Variants in ATXN1L observed in about 807,000 individuals in gnomAD.
ATXN1L encodes the protein ataxin-1-like.
A neutral mutation model predicts 43.4 loss-of-function variants in ATXN1L; 8 were observed. The ratio of observed to expected loss-of-function variants is 0.18; its 90% CI spans 0.11 to 0.33. ATXN1L has a LOEUF of 0.33. ATXN1L is among the 10% of genes least tolerant of loss of function. The pLI, the probability that ATXN1L is intolerant of heterozygous loss-of-function variation, is 1.00. For synonymous variants in ATXN1L, 379 were observed against 360.6 expected (o/e 1.05, Z -0.58); for missense variants, 856 against 885.4 (o/e 0.97, Z 0.42).
chr16:71,850,149 C>G lies in ATXN1L; in HGVS notation c.409C>G (p.Leu137Val). 1 of 1,551,768 alleles carries G rather than the reference C, an allele frequency of 6.4e-7. No individual in the cohort carries two copies. The part of the protein sequence containing the change: ...LHYAQLPSTS[L>V]QFIGSPYSLP... ...CTATGCTCAGCTCCCATCCACCTCGCTGCAGTTCATTGGGTCTCCTTATAG... is the reference window on the plus strand; with the variant it reads ...CTATGCTCAGCTCCCATCCACCTCGGTGCAGTTCATTGGGTCTCCTTATAG... Residue 137 changes from leucine (L) to valine (V), a missense_variant, in exon 3 of 3, where the codon CTG (leucine) becomes GTG (valine). Physicochemically the swap from Leu to Val is conservative, Grantham distance 32 (BLOSUM62 1). Coordinates refer to ENST00000427980, the MANE Select transcript of ATXN1L (RefSeq NM_001137675.4).
At position 71,850,226 on chromosome 16, in the gene ATXN1L, T is replaced by G; in HGVS notation, c.486T>G (p.Pro162=). The part of the protein sequence containing the change: ...PNFLPSPLLS[P]SANLATSHLP... ...TCCTACCGAGTCCCCTCCTATCTCC[T>G]TCTGCCAACCTTGCCACCTCTCACC... Residue 162 remains proline (P), a synonymous_variant, in exon 3 of 3, where the codon CCT becomes CCG. Coordinates refer to ENST00000427980, the MANE Select transcript of ATXN1L (RefSeq NM_001137675.4). 6.4e-7 allele frequency: 1 copy of G among 1,551,504 alleles called. No individual in the cohort carries two copies. The highest frequency in any genetic ancestry group is 1.2e-5 in the South Asian group (1 of 83,862).
rs2033552387 is a variant in ATXN1L at position 71,856,452 on chromosome 16, T to G, written c.*4642T>G. ...GGACTGAGGTTCTTCAGAGAAAGAG[T>G]GTGAGCTGATGACACAGTGGTTTTA... On this transcript the variant is annotated 3_prime_UTR_variant, in exon 3 of 3. Transcript: ENST00000427980. 6.0e-6 allele frequency: 1 copy of G among 167,034 alleles called. No homozygotes were observed. Among genetic ancestry groups the G allele is most frequent in the African/African-American group, 2.4e-5 (1 of 41,418 alleles). The allele number at this position is 167,034 out of a possible 1,614,324, so 10.3% of individuals were successfully genotyped here.
intron 2 of ATXN1L, among the ~76,000 whole-genome samples, chr16:71,848,854 G>C (rs1268377093): frequency 6.6e-6 from 1 of 152,080 alleles, no homozygotes; most frequent in Non-Finnish European, 1.5e-5. Context: ...GCAAGGATGA[G>C]GTCATATGTT....
At chr16:71,846,148 TG>T in intron 1 of ATXN1L, 44 bp downstream of exon 1, 1 of 178,694 alleles carries the variant, frequency 5.6e-6, no homozygotes, top group South Asian at 8.4e-5. Context: ...CAGGCAGGCC[TG>T]GGGTCGGTGC....
rs1032579003 is a variant in ATXN1L at position 71,850,051 on chromosome 16, G to C, written c.311G>C (p.Ser104Thr). The C allele has an allele frequency of 7.1e-6, 11 of 1,551,544 alleles. No homozygotes were observed. Among genetic ancestry groups the C allele is most frequent in the African/African-American group, 1.4e-5 (1 of 73,014 alleles). Residue 104 changes from serine to threonine, a missense_variant, in exon 3 of 3, where the codon AGT becomes ACT. Ser to Thr is a moderately conservative substitution (Grantham distance 58). Around this residue, in one of 7 missense-constraint regions of ATXN1L, gnomAD observed 93 missense variants for 113.4 expected, o/e 0.82. Transcript: ENST00000427980. ...GGACTCCCATCTGTGGTGAATATGAGTCCCTTGCCCCCAACGTTTAATGTA... is the reference window on the plus strand; with the variant it reads ...GGACTCCCATCTGTGGTGAATATGACTCCCTTGCCCCCAACGTTTAATGTA... ...PTGLPSVVNM[S>T]PLPPTFNVAS...
chr16:71,847,889 G>A, intron 1 of ATXN1L, 121 bp from the exon 2 acceptor site: 1 of 302,068 alleles, frequency 3.3e-6, no homozygotes, highest in Non-Finnish European at 6.8e-6. Context: ...GTTTACCTGT[G>A]GAGAAGAAGA....
At chr16:71,846,688 G>A (rs2033447244) in intron 1 of ATXN1L, among the ~76,000 whole-genome samples, 1 of 152,212 alleles carries the variant, frequency 6.6e-6, no homozygotes, top group African/African-American at 2.4e-5. Flanking sequence ...GGGGTCACAA[G>A]CTGCGTTTTC....
rs144748932 is a variant in ATXN1L at position 71,847,212 on chromosome 16, A to G, written c.-179-798A>G. Among the ~76,000 whole-genome samples, 577 of 152,288 alleles carry G rather than the reference A, an allele frequency of 3.8e-3. 8 individuals are homozygous for G. The highest frequency in any genetic ancestry group is 0.013 in the African/African-American group (560 of 41,568). On this transcript the variant is annotated intron_variant, in intron 1 of 2. Transcript: ENST00000427980. ...AGTCAGTTTCTCAGAGCACTCACTC[A>G]TCTGTACTGCCTTCTCTGTTTTCAG...
chr16:71,851,347 G>A lies in ATXN1L; in HGVS notation c.1607G>A (p.Ser536Asn). 1 of 1,551,674 alleles carries A rather than the reference G, an allele frequency of 6.4e-7. No homozygotes were observed. The highest frequency in any genetic ancestry group is 8.7e-7 in the Non-Finnish European group (1 of 1,146,996). ...FVVGEQQSKV[S>N]IEVPPEHPFF... Reference sequence around the variant, plus strand: ...GTTGGTGAGCAGCAGAGCAAAGTGAGCATCGAAGTGCCCCCCGAGCACCCC... The same window carrying A: ...GTTGGTGAGCAGCAGAGCAAAGTGAACATCGAAGTGCCCCCCGAGCACCCC... The change falls in exon 3 of 3, where the codon AGC becomes AAC. Residue 536 changes from serine to asparagine, a missense_variant. Physicochemically the swap from Ser to Asn is conservative, Grantham distance 46. Coordinates refer to ENST00000427980, the MANE Select transcript of ATXN1L (RefSeq NM_001137675.4). This position sits in a 1 kb window ranked among gnomAD's most constrained non-coding sequence, Gnocchi z 4.9.
In ATXN1L at chr16:71,850,721, C is replaced by T. The variant is rs771346505; in HGVS notation, c.981C>T (p.His327=). Residue 327 remains histidine, a synonymous_variant, in exon 3 of 3, where the codon CAC becomes CAT. Transcript: ENST00000427980. ...GGGTAGAGGTAGCAGCACCAGCACA[C>T]CGGGGGACCCCGGACACTGACCTTG... ...TPRVEVAAPA[H]RGTPDTDLEV... is the part of the protein sequence containing the mutation. The T allele has an allele frequency of 3.2e-6, 5 of 1,551,590 alleles. No individual in the cohort carries two copies. In the South Asian group the frequency reaches 4.8e-5, roughly 15 times the overall value.
Position 71,850,716 on chromosome 16 carries a change from G to C in ATXN1L, c.976G>C (p.Ala326Pro). The change falls in exon 3 of 3, where the codon GCA (alanine) becomes CCA (proline). Residue 326 changes from alanine to proline, a missense_variant. Ala to Pro is a conservative substitution (Grantham distance 27, BLOSUM62 -1). Coordinates refer to ENST00000427980, the MANE Select transcript of ATXN1L (RefSeq NM_001137675.4). Reference protein sequence around the residue: ...QTPRVEVAAPAHRGTPDTDLE... With the variant: ...QTPRVEVAAPPHRGTPDTDLE... Reference sequence around the variant, plus strand: ...TCCACGGGTAGAGGTAGCAGCACCAGCACACCGGGGGACCCCGGACACTGA... The same window carrying C: ...TCCACGGGTAGAGGTAGCAGCACCACCACACCGGGGGACCCCGGACACTGA... 1 of 1,551,712 alleles carries C rather than the reference G, an allele frequency of 6.4e-7. No individual in the cohort carries two copies. The highest frequency in any genetic ancestry group is 1.2e-5 in the South Asian group (1 of 84,062).
intron 2 of ATXN1L, among the ~76,000 whole-genome samples, chr16:71,849,215 TTAAAAAAAAAAA>T (rs2033473168): frequency 1.2e-5 from 1 of 86,058 alleles, no homozygotes; most frequent in Admixed American, 1.3e-4. Flanking sequence ...TCCATGTGTT[TTAAAAAAAAAAA>T]AAAAAAAAAA....
At position 71,849,829 on chromosome 16, in the gene ATXN1L, C is replaced by A; in HGVS notation, c.89C>A (p.Thr30Asn). The change falls in exon 3 of 3, where the codon ACC becomes AAC. Residue 30 changes from threonine (T) to asparagine (N), a missense_variant. This residue lies in a region of ATXN1L where 93 missense variants were observed against 113.4 expected (regional missense o/e 0.82). Coordinates refer to ENST00000427980, the MANE Select transcript of ATXN1L (RefSeq NM_001137675.4). ...PVTSEDMGRT[T>N]SCSTNHTPSS... Reference sequence around the variant, plus strand: ...ACCAGCGAGGATATGGGGAGAACTACCAGCTGCTCCACTAACCACACACCC... The same window carrying A: ...ACCAGCGAGGATATGGGGAGAACTAACAGCTGCTCCACTAACCACACACCC... 2 of 1,551,172 alleles carry A rather than the reference C, an allele frequency of 1.3e-6. No individual in the cohort carries two copies. Among genetic ancestry groups the A allele is most frequent in the South Asian group, 2.4e-5 (2 of 83,968 alleles).
rs56111969 is a variant in ATXN1L at position 71,851,351 on chromosome 16, C to A, written c.1611C>A (p.Ile537=). Residue 537 remains isoleucine, a synonymous_variant, in exon 3 of 3, where the codon ATC becomes ATA. Transcript: ENST00000427980. This position sits in a 1 kb window ranked among gnomAD's most constrained non-coding sequence, Gnocchi z 4.9. Reference sequence around the variant, plus strand: ...GTGAGCAGCAGAGCAAAGTGAGCATCGAAGTGCCCCCCGAGCACCCCTTCT... The same window carrying A: ...GTGAGCAGCAGAGCAAAGTGAGCATAGAAGTGCCCCCCGAGCACCCCTTCT... ...VVGEQQSKVS[I]EVPPEHPFFV... 1 of 1,551,658 alleles carries A rather than the reference C, an allele frequency of 6.4e-7. No individual in the cohort carries two copies. The highest frequency in any genetic ancestry group is 2.0e-5 in the Admixed American group (1 of 51,006).
Position 71,851,369 on chromosome 16 carries a change from C to G in ATXN1L, c.1629C>G (p.His543Gln). The G allele has an allele frequency of 6.4e-7, 1 of 1,551,596 alleles. No individual in the cohort carries two copies. Among genetic ancestry groups the G allele is most frequent in the Non-Finnish European group, 8.7e-7 (1 of 1,146,988 alleles). The change falls in exon 3 of 3, where the codon CAC (histidine) becomes CAG (glutamine). Residue 543 changes from histidine (H) to glutamine (Q), a missense_variant. His to Gln is a conservative substitution (Grantham distance 24, BLOSUM62 0). Around this residue, in one of 7 missense-constraint regions of ATXN1L, gnomAD observed 54 missense variants for 56.6 expected, o/e 0.95. Transcript: ENST00000427980. This position sits in a 1 kb window ranked among gnomAD's most constrained non-coding sequence, Gnocchi z 4.9. ...TGAGCATCGAAGTGCCCCCCGAGCA[C>G]CCCTTCTTTGTATATGGCCAGGGTT... ...SKVSIEVPPE[H>Q]PFFVYGQGWS...
Position 71,850,355 on chromosome 16 carries a change from C to G in ATXN1L, c.615C>G (p.Thr205=). 2.6e-6 allele frequency: 4 copies of G among 1,551,728 alleles called. No homozygotes were observed. The highest frequency in any genetic ancestry group is 3.5e-6 in the Non-Finnish European group (4 of 1,146,998). ...AHSFNKAPSA[T]SPSGQLPHHS... ...CATTTAACAAAGCTCCCTCTGCCAC[C>G]TCCCCATCTGGGCAATTGCCACATC... Residue 205 remains threonine (T), a synonymous_variant, in exon 3 of 3, where the codon ACC becomes ACG. Coordinates refer to ENST00000427980, the MANE Select transcript of ATXN1L (RefSeq NM_001137675.4).
intron 2 of ATXN1L, among the ~76,000 whole-genome samples, chr16:71,849,236 A>AAAAAG (rs1488323113): frequency 1.3e-4 from 20 of 150,890 alleles, no homozygotes; most frequent in Non-Finnish European, 2.8e-4. Context: ...AAAAAAAAAA[A>AAAAAG]AAAAAAGCAA....
In ATXN1L at chr16:71,852,627, T is replaced by A. The variant is rs7184486; in HGVS notation, c.*817T>A. ...TAGCTCACCTAACAAAGCTCCTCCATCTCAGCATGCCAGACCCACTTTGAA... is the reference window on the plus strand; with the variant it reads ...TAGCTCACCTAACAAAGCTCCTCCAACTCAGCATGCCAGACCCACTTTGAA... On this transcript the variant is annotated 3_prime_UTR_variant, in exon 3 of 3. Transcript: ENST00000427980. The A allele has an allele frequency of 0.72, 120,394 of 166,962 alleles. 44,093 individuals carry two copies. The highest frequency in any genetic ancestry group is 0.98 in the East Asian group (5,056 of 5,176). 10.3% of individuals were successfully genotyped at this position (166,962 alleles called of 1,614,324 possible).
In ATXN1L at chr16:71,849,827, T is replaced by C; in HGVS notation, c.87T>C (p.Thr29=). ...TGACCAGCGAGGATATGGGGAGAACTACCAGCTGCTCCACTAACCACACAC... is the reference window on the plus strand; with the variant it reads ...TGACCAGCGAGGATATGGGGAGAACCACCAGCTGCTCCACTAACCACACAC... ...LPVTSEDMGR[T]TSCSTNHTPS... is the part of the protein sequence containing the mutation. The change falls in exon 3 of 3, where the codon ACT becomes ACC. Residue 29 remains threonine (T), a synonymous_variant. Transcript: ENST00000427980. The C allele has an allele frequency of 6.4e-7, 1 of 1,551,150 alleles. No individual in the cohort carries two copies. Among genetic ancestry groups the C allele is most frequent in the Non-Finnish European group, 8.7e-7 (1 of 1,146,704 alleles).
Sources: gnomAD v4.1 joint callset for allele counts (sites outside exome capture counted in the v4.1 genomes callset) on GRCh38, gnomAD v4.1.1 for gene constraint, gnomAD v4.1.1 regional missense constraint, Gnocchi (gnomAD v3.1) non-coding constraint, MANE v1.5 for transcripts, NCBI Gene and HGNC (gene_info 2026-07-23, HGNC 2026-07-21) for gene names.